The following PDSS1 variants were observed in gnomAD, a reference collection of about 807,000 sequenced individuals.
The protein encoded by PDSS1 is all trans-polyprenyl-diphosphate synthase PDSS1.
In PDSS1, 43 loss-of-function variants were observed where a neutral mutation model predicts 57.5. The ratio of observed to expected loss-of-function variants is 0.75; its 90% CI spans 0.59 to 0.96. PDSS1 has a LOEUF of 0.96. Ranked by LOEUF, PDSS1 falls within the 50% of genes least tolerant of loss-of-function variation. The pLI, the probability that PDSS1 is intolerant of heterozygous loss-of-function variation, is 0.00. For synonymous variants in PDSS1, 175 were observed against 191.3 expected (o/e 0.91, Z 0.70); for missense variants, 438 against 527.8 (o/e 0.83, Z 1.67).
intron 5 of PDSS1, among the ~76,000 whole-genome samples, chr10:26,714,113 C>G (rs56290865): frequency 0.13 from 19,852 of 151,854 alleles, 1,706 homozygotes; most frequent in East Asian, 0.45. Flanking sequence ...CTGCCTCCTG[C>G]AGAACCTAAC....
Position 26,721,000 on chromosome 10 carries a change from C to T in PDSS1, c.609+641C>T, listed in dbSNP as rs185076025. On this transcript the variant is annotated intron_variant, in intron 6 of 11. Coordinates refer to ENST00000376215, the MANE Select transcript of PDSS1 (RefSeq NM_014317.5). ...ATCCATCGCCATCACCACACACGTG[C>T]TCTACAAACAAAAAGTTTGTGCAGG... Among the ~76,000 whole-genome samples the T allele has an allele frequency of 1.1e-4, 17 of 152,254 alleles. No individual in the cohort carries two copies. The East Asian group carries it at 3.3e-3, about 29-fold the overall frequency.
At chr10:26,710,560 A>G (rs1323283931) in intron 5 of PDSS1, among the ~76,000 whole-genome samples, 2 of 88,532 alleles carry the variant, frequency 2.3e-5, no homozygotes, top group African/African-American at 3.7e-5. Context: ...GGCTGGTCTC[A>G]AACTCCTGAA....
intron 8 of PDSS1, among the ~76,000 whole-genome samples, chr10:26,726,617 A>G (rs1027451999): frequency 1.3e-5 from 2 of 152,204 alleles, no homozygotes; most frequent in East Asian, 3.8e-4. Flanking sequence ...GGATTGCAAA[A>G]TGTATTGAGA....
intron 10 of PDSS1, among the ~76,000 whole-genome samples, chr10:26,739,171 C>T (rs1459985444): frequency 6.6e-6 from 1 of 152,214 alleles, no homozygotes; most frequent in East Asian, 1.9e-4. Flanking sequence ...ATCGTGGTGA[C>T]TAGTTGGTGC....
At chr10:26,697,877 G>C in intron 1 of PDSS1, 37 bp downstream of exon 1, 1 of 1,264,502 alleles carries the variant, frequency 7.9e-7, no homozygotes, top group South Asian at 2.6e-5. Context: ...GGGGCTCAGA[G>C]GTCACGGCTC....
intron 5 of PDSS1, 94 bp downstream of exon 5, chr10:26,709,862 G>A: frequency 7.4e-7 from 1 of 1,345,702 alleles, no homozygotes; most frequent in Non-Finnish European, 1.1e-6. Context: ...TTAAGAATTA[G>A]CATATACCGG....
In PDSS1 at chr10:26,709,785, A is replaced by C; in HGVS notation, c.467+17A>C. ...CAACTCCCGGTGAGCTCTTTTTTTC[A>C]TTCCTTTCTTGTTTTTATATTTGGG... On this transcript the variant is annotated intron_variant, in intron 5 of 11. Transcript: ENST00000376215. 1.9e-6 allele frequency: 3 copies of C among 1,612,518 alleles called. No individual in the cohort carries two copies. The highest frequency in any genetic ancestry group is 2.5e-6 in the Non-Finnish European group (3 of 1,178,794).
intron 11 of PDSS1, among the ~76,000 whole-genome samples, chr10:26,743,842 G>A (rs1360214763): frequency 5.3e-5 from 8 of 152,072 alleles, no homozygotes; most frequent in Admixed American, 5.2e-4. Context: ...ACAACTCAGG[G>A]TTACAAATAA....
At chr10:26,739,633 A>G (rs1343607890) in intron 10 of PDSS1, among the ~76,000 whole-genome samples, 1 of 152,234 alleles carries the variant, frequency 6.6e-6, no homozygotes, top group Admixed American at 6.5e-5. Flanking sequence ...TAATGTCACC[A>G]GATGCCTACG....
chr10:26,714,180 AAG>A (rs1006681996), intron 5 of PDSS1, among the ~76,000 whole-genome samples: 3 of 152,142 alleles, frequency 2.0e-5, no homozygotes, highest in African/African-American at 7.2e-5. Flanking sequence ...CAGATCAAAA[AAG>A]AGCTTTATGG....
chr10:26,724,046 G>C lies in PDSS1; in HGVS notation c.754G>C (p.Glu252Gln), dbSNP rs376818531. Residue 252 changes from glutamate (E) to glutamine (Q), a missense_variant, in exon 8 of 12, where the codon GAG (glutamate) becomes CAG (glutamine). Physicochemically the swap from Glu to Gln is conservative, Grantham distance 29. Transcript: ENST00000376215. ...EFLQLGSKEN[E>Q]NERFAHYLEK... Reference sequence around the variant, plus strand: ...TCTTCAGCTCGGGTCAAAAGAAAATGAGAATGAAAGATTTGCACACTACCT... The same window carrying C: ...TCTTCAGCTCGGGTCAAAAGAAAATCAGAATGAAAGATTTGCACACTACCT... The C allele has an allele frequency of 3.1e-5, 50 of 1,614,054 alleles. No individual in the cohort carries two copies. In the African/African-American group the frequency reaches 6.1e-4, roughly 20 times the overall value.
chr10:26,721,231 G>A (rs1056121877), intron 6 of PDSS1, among the ~76,000 whole-genome samples: 1 of 151,622 alleles, frequency 6.6e-6, no homozygotes, highest in Non-Finnish European at 1.5e-5. Flanking sequence ...CCTGGGAGAG[G>A]GAGGTTGCAG....
At chr10:26,717,248 G>GTTTTTTTTTTTTTTTTTT (rs1564423678) in intron 5 of PDSS1, among the ~76,000 whole-genome samples, 1 of 151,000 alleles carries the variant, frequency 6.6e-6, no homozygotes, top group African/African-American at 2.4e-5. Flanking sequence ...TTATTTATTC[G>GTTTTTTTTTTTTTTTTTT]GAGACAGAGT....
intron 10 of PDSS1, among the ~76,000 whole-genome samples, chr10:26,736,142 T>G (rs1836390331): frequency 6.6e-6 from 1 of 152,196 alleles, no homozygotes; most frequent in African/African-American, 2.4e-5. Flanking sequence ...AGTTCCTTCT[T>G]TCTCCGGATT....
intron 4 of PDSS1, among the ~76,000 whole-genome samples, chr10:26,706,715 T>C (rs1257513037): frequency 1.3e-5 from 2 of 152,194 alleles, no homozygotes; most frequent in African/African-American, 4.8e-5. Flanking sequence ...CCCTCCACTA[T>C]TGCACTGGGG....
At chr10:26,735,165 A>T in intron 8 of PDSS1, 75 bp from the exon 9 acceptor site, 10 of 999,994 alleles carry the variant, frequency 1.0e-5, no homozygotes, top group Non-Finnish European at 1.3e-5. Flanking sequence ...ATTTTAAGGA[A>T]TTCCTTCAGC....
intron 10 of PDSS1, chr10:26,740,592 A>G (rs947843259): frequency 8.8e-6 from 4 of 454,264 alleles, no homozygotes; most frequent in Non-Finnish European, 1.8e-5. Context: ...TTTTTCTTCT[A>G]GGATTACTAA....
intron 6 of PDSS1, among the ~76,000 whole-genome samples, chr10:26,722,615 G>A (rs957381240): frequency 1.3e-5 from 2 of 151,620 alleles, no homozygotes; most frequent in African/African-American, 2.4e-5. Context: ...GAGGTGGGGG[G>A]ATTGCTTGAA....
intron 8 of PDSS1, among the ~76,000 whole-genome samples, chr10:26,727,936 G>A (rs992349620): frequency 2.0e-5 from 3 of 152,054 alleles, no homozygotes; most frequent in Non-Finnish European, 2.9e-5. Context: ...CTCAAGATTC[G>A]ATCCAGGTTA....
Sources: gnomAD v4.1 joint callset for allele counts (sites outside exome capture counted in the v4.1 genomes callset) on GRCh38, gnomAD v4.1.1 for gene constraint, MANE v1.5 for transcripts, NCBI Gene and HGNC (gene_info 2026-07-23, HGNC 2026-07-21) for gene names.